CLDND1: variants seen among roughly 807,000 people sequenced by gnomAD.
The protein encoded by CLDND1 is claudin domain-containing protein 1.
In CLDND1, 13 loss-of-function variants were observed where a neutral mutation model predicts 26.3. The ratio of observed to expected loss-of-function variants is 0.49; its 90% confidence interval spans 0.32 to 0.78. The LOEUF (loss-of-function observed/expected upper bound fraction) is 0.78. CLDND1 is among the 30% of genes least tolerant of loss of function. The pLI is 0.03. For missense variants in CLDND1, 289 were observed against 312.8 expected, an observed-to-expected ratio of 0.92 and a Z score of 0.57; for synonymous variants, 107 against 107.0, an observed-to-expected ratio of 1.00 and a Z score of 0.00.
Position 98,515,527 on chromosome 3 carries a change from T to C in CLDND1, c.*1132A>G. ...TTATTTTTTAAAAAAGACATTGAGGTTATGGTAAGAAATTATGAAGTTACA... is the reference window on the plus strand; with the variant it reads ...TTATTTTTTAAAAAAGACATTGAGGCTATGGTAAGAAATTATGAAGTTACA... On this transcript the variant is annotated 3_prime_UTR_variant, in exon 5 of 5. Coordinates refer to ENST00000341181, the MANE Select transcript of CLDND1 (RefSeq NM_001040181.2). The C allele has an allele frequency of 2.5e-6, 2 of 815,662 alleles. No individual in the cohort carries two copies. The highest frequency in any genetic ancestry group is 6.7e-5 in the South Asian group (2 of 30,022). The allele number at this position is 815,662 out of a possible 1,614,324, so 50.5% of individuals were successfully genotyped here. A position where few individuals can be genotyped will look rare whatever the true frequency, so the allele number is the denominator to read the frequency against.
intron 1 of CLDND1, chr3:98,522,451 G>A (rs1055063960): frequency 2.0e-5 from 17 of 843,338 alleles, no homozygotes; most frequent in Non-Finnish European, 2.5e-5. Flanking sequence ...ACTCAGGAAA[G>A]ATAAGAGCAA....
At chr3:98,519,253 C>G (rs1378313086) in intron 2 of CLDND1, among the ~76,000 whole-genome samples, 2 of 152,056 alleles carry the variant, frequency 1.3e-5, no homozygotes, top group Admixed American at 6.5e-5. Context: ...ATGTAGAAAG[C>G]CTAGGAAGAA....
At position 98,521,685 on chromosome 3, in the gene CLDND1, C is replaced by G. The variant is rs745369156; in HGVS notation, c.-18-243G>C. 4.3e-6 allele frequency: 7 copies of G among 1,613,102 alleles called. No individual in the cohort carries two copies. The highest frequency in any genetic ancestry group is 1.7e-5 in the Admixed American group (1 of 59,996). ...GCTACGGAGACAGAGGTCTTGTTCT[C>G]TAGTCTATCACCTGCATACTAAAAC... On this transcript the variant is annotated intron_variant, in intron 1 of 4. Coordinates refer to ENST00000341181, the MANE Select transcript of CLDND1 (RefSeq NM_001040181.2).
At chr3:98,521,063 G>T in intron 2 of CLDND1, 70 bp downstream of exon 2, 2 of 1,319,736 alleles carry the variant, frequency 1.5e-6, no homozygotes, top group Non-Finnish European at 1.1e-6. Flanking sequence ...CATGTAATTG[G>T]GCAATCATTA....
intron 2 of CLDND1, 176 bp downstream of exon 2, chr3:98,520,957 C>T: frequency 1.6e-6 from 1 of 612,078 alleles, no homozygotes; most frequent in South Asian, 2.1e-5. Context: ...TGATGAGTAC[C>T]ATGGTAATGC....
chr3:98,517,760 A>G (rs957319666), intron 3 of CLDND1, among the ~76,000 whole-genome samples: 12 of 152,208 alleles, frequency 7.9e-5, no homozygotes, highest in African/African-American at 2.4e-4. Flanking sequence ...CCCCATAGCT[A>G]CAGCTGTATT....
intron 2 of CLDND1, among the ~76,000 whole-genome samples, chr3:98,520,328 CT>C (rs1281746748): frequency 6.6e-6 from 1 of 152,162 alleles, no homozygotes; most frequent in Admixed American, 6.5e-5. Context: ...TCCAAATTAT[CT>C]TTTTTTCCAG....
intron 3 of CLDND1, 90 bp from the exon 4 acceptor site, chr3:98,517,279 C>G: frequency 2.8e-6 from 4 of 1,431,360 alleles, no homozygotes; most frequent in Non-Finnish European, 3.8e-6. Flanking sequence ...CTAATTAGAT[C>G]TTTTCTCAAA....
Position 98,521,338 on chromosome 3 carries a change from T to C in CLDND1, c.87A>G (p.Thr29=). The change falls in exon 2 of 5, where the codon ACA becomes ACG. Residue 29 remains threonine (T), a synonymous_variant. Coordinates refer to ENST00000341181, the MANE Select transcript of CLDND1 (RefSeq NM_001040181.2). ...GACTTCGATATTCATACCAGAAGTC[T>C]GTGCCAATGGAGGCTGCCATGTAGA... The part of the protein sequence containing the change: ...STIYMAASIG[T]DFWYEYRSPV... 6.2e-7 allele frequency: 1 copy of C among 1,614,210 alleles called. No homozygotes were observed. The highest frequency in any genetic ancestry group is 8.5e-7 in the Non-Finnish European group (1 of 1,180,020).
chr3:98,517,224 G>A lies in CLDND1; in HGVS notation c.404-35C>T, dbSNP rs375180388. On this transcript the variant is annotated intron_variant, in intron 3 of 4. Coordinates refer to ENST00000341181, the MANE Select transcript of CLDND1 (RefSeq NM_001040181.2). ...AAAAAGAGAGAAAAGAAATGTTACC[G>A]TGATTTCAGACCATTTTCCCCGCAA... 1.1e-4 allele frequency: 182 copies of A among 1,599,954 alleles called. 1 individual carries two copies. The highest frequency in any genetic ancestry group is 1.7e-4 in the Middle Eastern group (1 of 6,018).
At chr3:98,521,520 G>A (rs1226381116) in intron 1 of CLDND1, 78 bp from the exon 2 acceptor site, 1 of 1,492,984 alleles carries the variant, frequency 6.7e-7, no homozygotes, top group East Asian at 2.3e-5. Context: ...TATTCCAAAT[G>A]CACCCTTTAC....
chr3:98,522,814 A>AC (rs1450193062), intron 1 of CLDND1, 35 bp downstream of exon 1: 1 of 1,613,358 alleles, frequency 6.2e-7, no homozygotes, highest in South Asian at 1.1e-5. Flanking sequence ...CCGCGACGCG[A>AC]CCCCTGCCCG....
intron 1 of CLDND1, chr3:98,522,520 C>G: frequency 8.1e-7 from 1 of 1,233,876 alleles, no homozygotes. Flanking sequence ...ATCCCCCCTT[C>G]ATCCTGGTGC....
Position 98,515,964 on chromosome 3 carries a change from GA to G in CLDND1, c.*694del. 8.2e-7 allele frequency: 1 copy of G among 1,213,520 alleles called. No individual in the cohort carries two copies. Among genetic ancestry groups the G allele is most frequent in the Non-Finnish European group, 1.1e-6 (1 of 952,088 alleles). 75.2% of individuals were successfully genotyped at this position (1,213,520 alleles called of 1,614,324 possible). A position where few individuals can be genotyped will look rare whatever the true frequency, so the allele number is the denominator to read the frequency against. On this transcript the variant is annotated 3_prime_UTR_variant, in exon 5 of 5. Coordinates refer to ENST00000341181, the MANE Select transcript of CLDND1 (RefSeq NM_001040181.2). ...AAATCCAAAACAATTTGGTGGTACT[GA>G]AAATCTTACGGAGAGTTAAAAATAA...
At position 98,518,695 on chromosome 3, in the gene CLDND1, T is replaced by C. The variant is rs1379048866; in HGVS notation, c.403+190A>G. On this transcript the variant is annotated intron_variant, in intron 3 of 4. Coordinates refer to ENST00000341181, the MANE Select transcript of CLDND1 (RefSeq NM_001040181.2). Reference sequence around the variant, plus strand: ...GTTGGCCCTGTCAACTTCAAATCATTTGAAATTTGGTAAGCATGTATCTAC... The same window carrying C: ...GTTGGCCCTGTCAACTTCAAATCATCTGAAATTTGGTAAGCATGTATCTAC... 1.8e-5 allele frequency: 10 copies of C among 550,046 alleles called. No individual in the cohort carries two copies. The East Asian group carries it at 2.7e-4, about 15-fold the overall frequency. 34.1% of individuals were successfully genotyped at this position (550,046 alleles called of 1,614,324 possible). A position where few individuals can be genotyped will look rare whatever the true frequency, so the allele number is the denominator to read the frequency against.
intron 3 of CLDND1, chr3:98,517,407 G>T (rs944746325): frequency 3.7e-6 from 2 of 544,772 alleles, no homozygotes; most frequent in African/African-American, 1.9e-5. Context: ...ATTACTGAGG[G>T]TTCACTATGT....
At chr3:98,522,774 G>GC (rs1422727552) in intron 1 of CLDND1, 75 bp downstream of exon 1, 1 of 1,612,120 alleles carries the variant, frequency 6.2e-7, no homozygotes, top group Non-Finnish European at 8.5e-7. Context: ...CGGGAAGGGG[G>GC]CCCCTCTTCA....
In CLDND1 at chr3:98,518,862, C is replaced by T. The variant is rs368392275; in HGVS notation, c.403+23G>A. The T allele has an allele frequency of 1.0e-4, 132 of 1,321,130 alleles. 1 individual carries two copies. In the African/African-American group the frequency reaches 1.8e-3, roughly 18 times the overall value. The allele number at this position is 1,321,130 out of a possible 1,614,324, so 81.8% of individuals were successfully genotyped here. ...AAATTATCTTTGTTCCCCCAACTGT[C>T]CTGGTGAAATCAAAGTACTCACAGG... is the stretch of plus-strand genomic sequence containing the variant. On this transcript the variant is annotated intron_variant, in intron 3 of 4. Transcript: ENST00000341181.
intron 1 of CLDND1, chr3:98,522,587 C>A: frequency 7.3e-7 from 1 of 1,375,148 alleles, no homozygotes; most frequent in Non-Finnish European, 9.3e-7. Flanking sequence ...CCAAGCCGGA[C>A]GCCTGCAGCA....
Sources: gnomAD v4.1 joint callset for allele counts (sites outside exome capture counted in the v4.1 genomes callset) on GRCh38, gnomAD v4.1.1 for gene constraint, MANE v1.5 for transcripts, NCBI Gene and HGNC (gene_info 2026-07-23, HGNC 2026-07-21) for gene names.